The following TMPRSS15 variants were observed in gnomAD, a reference collection of about 807,000 sequenced individuals.
The protein encoded by TMPRSS15 is enteropeptidase.
In TMPRSS15, 128 loss-of-function variants were observed where a neutral mutation model predicts 125.3. That is an observed-to-expected ratio of 1.02 (90% CI 0.89 to 1.18). The LOEUF is 1.18. Among genes scored for constraint, TMPRSS15 ranks in the 50% most tolerant of loss-of-function variants. The probability of loss-of-function intolerance (pLI) is 0.00; values close to 1 mark genes in which losing one functional copy is unlikely to be tolerated. For synonymous variants in TMPRSS15, 446 were observed against 423.2 expected (o/e 1.05, Z -0.66); for missense variants, 1,283 against 1,212.7 (o/e 1.06, Z -0.86).
At chr21:18,380,620 T>A (rs1457375714) in intron 4 of TMPRSS15, 1 of 470,534 alleles carries the variant, frequency 2.1e-6, no homozygotes, top group Non-Finnish European at 4.4e-6. Context: ...CACATGAGTT[T>A]ATGATATAAA....
intron 5 of TMPRSS15, among the ~76,000 whole-genome samples, chr21:18,375,124 C>G (rs890858841): frequency 6.6e-6 from 1 of 152,162 alleles, no homozygotes; most frequent in Non-Finnish European, 1.5e-5. Flanking sequence ...CTTCAACTGA[C>G]TTGGTCCATG....
intron 24 of TMPRSS15, among the ~76,000 whole-genome samples, chr21:18,271,337 G>C (rs2074552964): frequency 1.3e-5 from 2 of 152,162 alleles, no homozygotes; most frequent in South Asian, 4.1e-4. Flanking sequence ...ATTTTTAAAA[G>C]GAGTAACTTG....
chr21:18,271,072 T>TATCA (rs1555889122), intron 24 of TMPRSS15, among the ~76,000 whole-genome samples: 2 of 152,158 alleles, frequency 1.3e-5, no homozygotes, highest in South Asian at 2.1e-4. Flanking sequence ...AAATGTAATC[T>TATCA]ATCAATGCAC....
At chr21:18,344,411 G>T (rs1028979) in intron 10 of TMPRSS15, among the ~76,000 whole-genome samples, 88,236 of 151,930 alleles carry the variant, frequency 0.58, 25,832 homozygotes, top group East Asian at 0.78. Context: ...TAATTCACAT[G>T]AGGATATCTA....
At chr21:18,436,163 C>T (rs2076227434) in intron 1 of TMPRSS15, among the ~76,000 whole-genome samples, 6 of 150,828 alleles carry the variant, frequency 4.0e-5, no homozygotes, top group African/African-American at 1.2e-4. Context: ...TTATTTCTTG[C>T]CTTCTGCTAG....
At chr21:18,476,401 G>A (rs1978881229) in intron 1 of TMPRSS15, among the ~76,000 whole-genome samples, 1 of 152,088 alleles carries the variant, frequency 6.6e-6, no homozygotes, top group East Asian at 1.9e-4. Flanking sequence ...AAATCATTGT[G>A]CAAGAGAAAT....
chr21:18,374,594 C>T (rs2075825160), intron 5 of TMPRSS15, among the ~76,000 whole-genome samples: 1 of 151,462 alleles, frequency 6.6e-6, no homozygotes. Flanking sequence ...CAGTTTGGTA[C>T]CAGATTCTAG....
At chr21:18,460,290 A>G (rs574726569) in intron 1 of TMPRSS15, among the ~76,000 whole-genome samples, 6 of 151,772 alleles carry the variant, frequency 4.0e-5, no homozygotes, top group Non-Finnish European at 8.8e-5. Flanking sequence ...TTTTTTGGAT[A>G]CCATTTTCTT....
At chr21:18,303,899 T>C (rs1289167522) in intron 18 of TMPRSS15, among the ~76,000 whole-genome samples, 1 of 152,242 alleles carries the variant, frequency 6.6e-6, no homozygotes, top group South Asian at 2.1e-4. Flanking sequence ...TCTCCCTGAA[T>C]GGTGGTGGTG....
At chr21:18,330,472 T>C (rs1228154426) in intron 14 of TMPRSS15, among the ~76,000 whole-genome samples, 4 of 152,166 alleles carry the variant, frequency 2.6e-5, no homozygotes, top group Admixed American at 6.5e-5. Context: ...ATTTAATTTT[T>C]CTTGGAGATT....
intron 1 of TMPRSS15, among the ~76,000 whole-genome samples, chr21:18,453,660 A>G: frequency 6.6e-6 from 1 of 152,232 alleles, no homozygotes; most frequent in East Asian, 1.9e-4. Context: ...GTAAATACCC[A>G]AAAGAATTGG....
rs1436163541 is a variant in TMPRSS15 at position 18,288,098 on chromosome 21, AGAC to A, written c.2486+6169_2486+6171del. 5.3e-5 allele frequency among the ~76,000 whole-genome samples: 8 copies of A among 152,366 alleles called. 1 individual carries two copies. The South Asian group carries it at 1.7e-3, about 32-fold the overall frequency. On this transcript the variant is annotated intron_variant, in intron 21 of 24. Coordinates refer to ENST00000284885, the MANE Select transcript of TMPRSS15 (RefSeq NM_002772.3). ...TGAATCAACATAAGTGTTCATCAAC[AGAC>A]GACTGGATAAAGAAATGTGGTATAT...
chr21:18,466,487 A>T (rs1323556730), intron 1 of TMPRSS15, among the ~76,000 whole-genome samples: 2 of 152,046 alleles, frequency 1.3e-5, no homozygotes. Context: ...AACCTACAGA[A>T]TGGGAGAAAA....
intron 1 of TMPRSS15, among the ~76,000 whole-genome samples, chr21:18,422,196 G>A (rs9983572): frequency 0.011 from 1,620 of 152,052 alleles, 36 homozygotes; most frequent in African/African-American, 0.038. Context: ...ATGTTGGCGA[G>A]ATTGGTCTTG....
intron 1 of TMPRSS15, among the ~76,000 whole-genome samples, chr21:18,467,324 G>T (rs1452943888): frequency 6.6e-6 from 1 of 151,928 alleles, no homozygotes; most frequent in African/African-American, 2.4e-5. Context: ...GGTTGATGGT[G>T]CAGCAAACCA....
At chr21:18,413,381 C>T (rs1411951440) in intron 1 of TMPRSS15, among the ~76,000 whole-genome samples, 1 of 136,302 alleles carries the variant, frequency 7.3e-6, no homozygotes, top group Non-Finnish European at 1.6e-5. Flanking sequence ...TCCTTCCTTT[C>T]TTTCTATCTT....
At chr21:18,378,949 A>C (rs2075867594) in intron 5 of TMPRSS15, among the ~76,000 whole-genome samples, 1 of 151,988 alleles carries the variant, frequency 6.6e-6, no homozygotes, top group Non-Finnish European at 1.5e-5. Flanking sequence ...AATCAAAGGA[A>C]AAAAAATCCC....
chr21:18,369,167 G>T (rs1271131737), intron 6 of TMPRSS15, among the ~76,000 whole-genome samples: 1 of 152,122 alleles, frequency 6.6e-6, no homozygotes, highest in Non-Finnish European at 1.5e-5. Context: ...CAGAAATGTT[G>T]CCTGTAATAG....
chr21:18,335,658 C>A (rs924842276), intron 13 of TMPRSS15, among the ~76,000 whole-genome samples: 4 of 152,084 alleles, frequency 2.6e-5, no homozygotes, highest in Non-Finnish European at 5.9e-5. Flanking sequence ...TGATCCCTGG[C>A]CTGATAAAAT....
Sources: allele counts gnomAD v4.1 joint callset (sites outside exome capture counted in the v4.1 genomes callset), GRCh38; gene constraint gnomAD v4.1.1; transcripts MANE v1.5; gene names NCBI Gene and HGNC (gene_info 2026-07-23, HGNC 2026-07-21).